Variants in LAMA2 observed in about 807,000 individuals in gnomAD.
LAMA2 encodes laminin subunit alpha-2.
A neutral mutation model predicts 364.8 loss-of-function variants in LAMA2; 269 were observed. That is an observed-to-expected ratio of 0.74 (90% CI 0.67 to 0.82). LAMA2 has a LOEUF of 0.82. Ranked by LOEUF, LAMA2 falls within the 40% of genes least tolerant of loss-of-function variation. The pLI, the probability that LAMA2 is intolerant of heterozygous loss-of-function variation, is 0.00. For synonymous variants in LAMA2, 1,379 were observed against 1,370.6 expected (o/e 1.01, Z -0.14); for missense variants, 3,807 against 3,873.2 (o/e 0.98, Z 0.45).
chr6:129,425,384 AC>A (rs1290280443), intron 40 of LAMA2, among the ~76,000 whole-genome samples: 1 of 151,486 alleles, frequency 6.6e-6, no homozygotes, highest in African/African-American at 2.4e-5. Context: ...TTTCTCTCTT[AC>A]CAATTCCATT....
intron 4 of LAMA2, among the ~76,000 whole-genome samples, chr6:129,134,803 T>C (rs979845645): frequency 2.6e-5 from 4 of 152,144 alleles, no homozygotes; most frequent in Non-Finnish European, 5.9e-5. Flanking sequence ...GGCCCAGCAG[T>C]TGGGGACCCC....
At chr6:129,165,451 A>G (rs1019043309) in intron 8 of LAMA2, 125 bp from the exon 9 acceptor site, 2 of 629,924 alleles carry the variant, frequency 3.2e-6, no homozygotes, top group African/African-American at 3.7e-5. Context: ...GGTAATTCTT[A>G]TAGTTTTCTC....
At chr6:129,493,631 A>C (rs954973845) in intron 58 of LAMA2, among the ~76,000 whole-genome samples, 3 of 152,254 alleles carry the variant, frequency 2.0e-5, no homozygotes, top group Non-Finnish European at 4.4e-5. Context: ...ACTATGTAGT[A>C]ATGATAATAA....
chr6:129,153,067 A>G (rs1778908193), intron 7 of LAMA2, among the ~76,000 whole-genome samples: 2 of 152,222 alleles, frequency 1.3e-5, no homozygotes, highest in Non-Finnish European at 2.9e-5. Flanking sequence ...CTGCATCGAT[A>G]TATTTCCCTG....
Position 129,280,142 on chromosome 6 carries a change from T to G in LAMA2, c.2532T>G (p.Cys844Trp). The change falls in exon 18 of 65, where the codon TGT (cysteine) becomes TGG (tryptophan). Residue 844 changes from cysteine to tryptophan, a missense_variant. Physicochemically the swap from Cys to Trp is radical, Grantham distance 215 (BLOSUM62 -2). Transcript: ENST00000421865. ...CTGTCGGGTACACAGGACCACGCTG[T>G]GAGAGGTAAGAGTATACTACACTGT... ...GCPVGYTGPR[C>W]ERCAEGYFGQ... is the part of the protein sequence containing the mutation. 1.2e-6 allele frequency: 2 copies of G among 1,601,890 alleles called. No homozygotes were observed.
chr6:129,063,308 A>G (rs1459541297), intron 3 of LAMA2, among the ~76,000 whole-genome samples: 1 of 152,210 alleles, frequency 6.6e-6, no homozygotes. Context: ...AAAAATATAC[A>G]ACAATTTAAA....
chr6:128,986,435 T>C (rs940884625), intron 1 of LAMA2, among the ~76,000 whole-genome samples: 7 of 152,288 alleles, frequency 4.6e-5, no homozygotes, highest in African/African-American at 1.4e-4. Context: ...GTGGGAAATA[T>C]ATATTTCAAA....
intron 16 of LAMA2, among the ~76,000 whole-genome samples, chr6:129,268,930 A>G (rs1340534124): frequency 6.6e-6 from 1 of 152,096 alleles, no homozygotes; most frequent in Non-Finnish European, 1.5e-5. Context: ...GATACAATAC[A>G]CAAAGAGGAG....
At chr6:129,293,568 T>A (rs918976000) in intron 20 of LAMA2, among the ~76,000 whole-genome samples, 12 of 152,162 alleles carry the variant, frequency 7.9e-5, no homozygotes, top group Admixed American at 7.9e-4. Context: ...TCACACACTA[T>A]AAATGGACAA....
chr6:129,249,199 G>A (rs1785993069), intron 12 of LAMA2, among the ~76,000 whole-genome samples: 2 of 152,210 alleles, frequency 1.3e-5, no homozygotes, highest in Admixed American at 1.3e-4. Flanking sequence ...CCAACCCTGC[G>A]AAGCCAAGTC....
intron 62 of LAMA2, among the ~76,000 whole-genome samples, 198 bp from the exon 63 acceptor site, chr6:129,512,165 A>G (rs537095923): frequency 6.6e-6 from 1 of 152,276 alleles, no homozygotes; most frequent in South Asian, 2.1e-4. Context: ...AGCCCAGAAA[A>G]TAAGCAATAA....
chr6:129,480,630 AT>A (rs1352544393), intron 54 of LAMA2, among the ~76,000 whole-genome samples: 2 of 152,042 alleles, frequency 1.3e-5, no homozygotes, highest in Non-Finnish European at 2.9e-5. Context: ...TGGGGAGCTG[AT>A]TTTCTCCCTT....
At chr6:129,436,221 A>G (rs1297079704) in intron 41 of LAMA2, among the ~76,000 whole-genome samples, 1 of 152,164 alleles carries the variant, frequency 6.6e-6, no homozygotes, top group East Asian at 1.9e-4. Flanking sequence ...TAACTGCCTC[A>G]TTCATTCCCA....
chr6:129,119,570 C>T (rs994362141), intron 4 of LAMA2, among the ~76,000 whole-genome samples: 8 of 151,564 alleles, frequency 5.3e-5, no homozygotes, highest in South Asian at 2.1e-4. Context: ...ATTTTTGAGA[C>T]GGAGTCTCGA....
intron 1 of LAMA2, among the ~76,000 whole-genome samples, chr6:128,955,216 A>G (rs906728128): frequency 2.6e-5 from 4 of 151,990 alleles, no homozygotes; most frequent in Non-Finnish European, 5.9e-5. Flanking sequence ...TTATGTGGAT[A>G]GGGCATTTAT....
At chr6:129,330,585 T>G (rs959121715) in intron 29 of LAMA2, among the ~76,000 whole-genome samples, 1 of 123,844 alleles carries the variant, frequency 8.1e-6, no homozygotes, top group African/African-American at 3.0e-5. Context: ...TTTTTTGTTG[T>G]TGTTTGGTTT....
chr6:129,187,958 G>A (rs913410790), intron 10 of LAMA2, among the ~76,000 whole-genome samples: 3 of 151,564 alleles, frequency 2.0e-5, no homozygotes, highest in African/African-American at 4.8e-5. Flanking sequence ...TGCTAACATC[G>A]GTCTCTCATT....
At chr6:129,247,484 G>C (rs954475744) in intron 12 of LAMA2, among the ~76,000 whole-genome samples, 9 of 152,084 alleles carry the variant, frequency 5.9e-5, no homozygotes, top group African/African-American at 9.7e-5. Context: ...ACTTAAGTAA[G>C]TACTTGACTA....
At position 129,480,722 on chromosome 6, in the gene LAMA2, T is replaced by C. The variant is rs112413114; in HGVS notation, c.7573-541T>C. 8.9e-3 allele frequency among the ~76,000 whole-genome samples: 1,355 copies of C among 152,320 alleles called. 12 individuals are homozygous for C. The highest frequency in any genetic ancestry group is 0.014 in the Non-Finnish European group (945 of 68,018). ...CAAGGACAATGGTATTACTTTAATA[T>C]TGAGAAAAAACTAGACTATGCGATG... On this transcript the variant is annotated intron_variant, in intron 54 of 64. Coordinates refer to ENST00000421865, the MANE Select transcript of LAMA2 (RefSeq NM_000426.4).
Sources: gnomAD v4.1 joint callset for allele counts (sites outside exome capture counted in the v4.1 genomes callset) on GRCh38, gnomAD v4.1.1 for gene constraint, MANE v1.5 for transcripts, NCBI Gene and HGNC (gene_info 2026-07-23, HGNC 2026-07-21) for gene names.